DAB1: variants seen among roughly 807,000 people sequenced by gnomAD.
DAB1 encodes the protein disabled homolog 1.
Under a neutral mutation model 64.6 loss-of-function variants are expected in DAB1, and 15 were observed. The observed-to-expected ratio is 0.23, with a 90% CI of 0.16 to 0.36. The LOEUF (loss-of-function observed/expected upper bound fraction) is 0.36. DAB1 is among the 10% of genes least tolerant of loss of function. The pLI is 1.00. For synonymous variants in DAB1, 235 were observed against 251.9 expected, an observed-to-expected ratio of 0.93 and a Z score of 0.64; for missense variants, 596 against 706.7, an observed-to-expected ratio of 0.84 and a Z score of 1.78.
chr1:57,036,875 C>T (rs1268342836), intron 9 of DAB1, among the ~76,000 whole-genome samples: 1 of 152,120 alleles, frequency 6.6e-6, no homozygotes, highest in Non-Finnish European at 1.5e-5. Context: ...ACTATGATTC[C>T]ATTACTGAGT....
At chr1:58,415,177 CA>C (rs1032968961) in intron 3 of DAB1, among the ~76,000 whole-genome samples, 26 of 152,146 alleles carry the variant, frequency 1.7e-4, no homozygotes, top group Non-Finnish European at 7.4e-5. Context: ...ATGCATGCAC[CA>C]TGTGAGAACA....
In DAB1 at chr1:58,421,806, C is replaced by T. The variant is rs189508108; in HGVS notation, n.258-78403G>A. Among the ~76,000 whole-genome samples, 168 of 152,186 alleles carry T rather than the reference C, an allele frequency of 1.1e-3. 2 individuals are homozygous for T. Among genetic ancestry groups the T allele is most frequent in the Admixed American group, 0.011 (161 of 15,282 alleles). On this transcript the variant is annotated intron_variant and non_coding_transcript_variant, in intron 3 of 20. Coordinates refer to the DAB1 transcript ENST00000485760. ...AAGAGAAGTCGCAGAGATAAGAGAG[C>T]GGTCTTCTCAGATTTGAAGGGCTGT...
At chr1:57,163,718 C>A (rs11206984) in intron 2 of DAB1, among the ~76,000 whole-genome samples, 7,974 of 151,888 alleles carry the variant, frequency 0.052, 655 homozygotes, top group African/African-American at 0.18. Flanking sequence ...AAGAAATGGG[C>A]TGAATCAAAA....
At chr1:57,438,236 T>C (rs1416212841) in intron 7 of DAB1, among the ~76,000 whole-genome samples, 2 of 151,364 alleles carry the variant, frequency 1.3e-5, no homozygotes, top group African/African-American at 4.9e-5. Flanking sequence ...AAAAAAAAAA[T>C]TACCTGTTTT....
intron 6 of DAB1, among the ~76,000 whole-genome samples, chr1:57,679,025 C>A (rs1462077378): frequency 6.6e-6 from 1 of 152,042 alleles, no homozygotes; most frequent in Non-Finnish European, 1.5e-5. Context: ...CCTGCCTCGG[C>A]CTCCCAAAGT....
At chr1:57,239,684 T>A (rs940722522) in intron 2 of DAB1, among the ~76,000 whole-genome samples, 1 of 152,190 alleles carries the variant, frequency 6.6e-6, no homozygotes, top group African/African-American at 2.4e-5. Context: ...CTTCTCTTTA[T>A]TTTTCTTTTT....
At chr1:58,030,994 C>T (rs1235015844) in intron 5 of DAB1, among the ~76,000 whole-genome samples, 1 of 152,112 alleles carries the variant, frequency 6.6e-6, no homozygotes, top group Non-Finnish European at 1.5e-5. Context: ...AGAACTTCTC[C>T]AGGTACGAAG....
intron 4 of DAB1, among the ~76,000 whole-genome samples, chr1:57,125,720 T>C (rs1276988510): frequency 1.3e-5 from 2 of 152,164 alleles, no homozygotes; most frequent in Admixed American, 6.5e-5. Flanking sequence ...TGCAACCTTC[T>C]ACTCATCGAC....
At chr1:58,330,290 A>G (rs1414147000) in intron 4 of DAB1, among the ~76,000 whole-genome samples, 2 of 152,252 alleles carry the variant, frequency 1.3e-5, no homozygotes, top group Non-Finnish European at 2.9e-5. Context: ...CCTCAATTCT[A>G]TGAAGGCTGA....
At chr1:58,309,204 TAC>T (rs1557728254) in intron 4 of DAB1, among the ~76,000 whole-genome samples, 1 of 152,178 alleles carries the variant, frequency 6.6e-6, no homozygotes. Flanking sequence ...AAATGTTCCA[TAC>T]ACAAACAATC....
At chr1:57,312,770 G>A (rs1049155980) in intron 1 of DAB1, among the ~76,000 whole-genome samples, 1 of 152,128 alleles carries the variant, frequency 6.6e-6, no homozygotes, top group African/African-American at 2.4e-5. Context: ...CTTCCCAAAG[G>A]TTCTCATTTG....
chr1:57,300,038 C>T (rs759081329), intron 1 of DAB1, among the ~76,000 whole-genome samples: 13 of 152,284 alleles, frequency 8.5e-5, no homozygotes, highest in Non-Finnish European at 2.9e-5. Context: ...GTCTCCCCGG[C>T]AGGCCTTAAA....
In DAB1 at chr1:57,781,152, A is replaced by C. The variant is rs1413197653; in HGVS notation, n.551+102847T>G. ...TATATATATATATATATATATATAT[A>C]TATATATATATATATATATAGTTGC... On this transcript the variant is annotated intron_variant and non_coding_transcript_variant, in intron 6 of 20. Transcript: ENST00000485760. 3.9e-3 allele frequency among the ~76,000 whole-genome samples: 429 copies of C among 109,322 alleles called. 1 individual carries two copies. Among genetic ancestry groups the C allele is most frequent in the Admixed American group, 6.9e-3 (74 of 10,704 alleles). The allele number at this position is 109,322 out of a possible 152,430, so 71.7% of individuals were successfully genotyped here.
chr1:58,209,576 CAG>C (rs1658450001), intron 4 of DAB1, among the ~76,000 whole-genome samples: 1 of 152,002 alleles, frequency 6.6e-6, no homozygotes, highest in East Asian at 1.9e-4. Flanking sequence ...TCTTAAAGAC[CAG>C]GAATGTCAGC....
At chr1:57,057,894 C>T (rs1357077981) in intron 9 of DAB1, among the ~76,000 whole-genome samples, 5 of 152,150 alleles carry the variant, frequency 3.3e-5, no homozygotes, top group Non-Finnish European at 7.3e-5. Context: ...AGGCATGAGC[C>T]ACCGCGCCCG....
intron 7 of DAB1, among the ~76,000 whole-genome samples, chr1:57,467,635 A>G (rs1008403430): frequency 1.3e-5 from 2 of 152,156 alleles, no homozygotes; most frequent in African/African-American, 2.4e-5. Context: ...AGTTCAACTG[A>G]ATCAACTCAA....
chr1:58,148,245 A>C (rs1654722188), intron 5 of DAB1, among the ~76,000 whole-genome samples: 1 of 152,188 alleles, frequency 6.6e-6, no homozygotes, highest in Non-Finnish European at 1.5e-5. Flanking sequence ...GGACTATTGC[A>C]CTTATCTCTT....
At chr1:57,254,062 G>A (rs1484979410) in intron 2 of DAB1, among the ~76,000 whole-genome samples, 1 of 152,150 alleles carries the variant, frequency 6.6e-6, no homozygotes, top group Non-Finnish European at 1.5e-5. Context: ...TCTTTTGAGT[G>A]CCCAGGGATT....
chr1:58,153,732 A>T (rs556053218), intron 4 of DAB1, among the ~76,000 whole-genome samples: 9 of 151,334 alleles, frequency 5.9e-5, no homozygotes, highest in Non-Finnish European at 1.2e-4. Flanking sequence ...CCACAAAAAG[A>T]ATCTGCTTCT....
Sources: allele counts gnomAD v4.1 joint callset (sites outside exome capture counted in the v4.1 genomes callset), GRCh38; gene constraint gnomAD v4.1.1; transcripts MANE v1.5; gene names NCBI Gene and HGNC (gene_info 2026-07-23, HGNC 2026-07-21).